PAPSS2: variants seen among roughly 807,000 people sequenced by gnomAD.
PAPSS2 encodes 3'-phosphoadenosine 5'-phosphosulfate synthase 2.
PAPSS2 carries 61 observed loss-of-function variants against 66.5 expected under a neutral mutation model. That is an observed-to-expected ratio of 0.92 (90% confidence interval 0.75 to 1.14). PAPSS2 has a LOEUF of 1.14. Ranked by LOEUF, PAPSS2 falls within the 50% of genes most tolerant of loss-of-function variation. PAPSS2 has a pLI of 0.00. For synonymous variants in PAPSS2, 289 were observed against 287.5 expected (o/e 1.01, Z -0.05); for missense variants, 708 against 789.6 (o/e 0.90, Z 1.24).
chr10:87,660,786 A>G (rs1370020235), intron 1 of PAPSS2, among the ~76,000 whole-genome samples: 2 of 142,430 alleles, frequency 1.4e-5, no homozygotes, highest in Admixed American at 7.2e-5. Context: ...CTATTTGTCA[A>G]TTATACCCCA....
intron 1 of PAPSS2, among the ~76,000 whole-genome samples, chr10:87,698,344 T>C (rs970984429): frequency 6.6e-6 from 1 of 151,242 alleles, no homozygotes; most frequent in East Asian, 1.9e-4. Flanking sequence ...CTACTATAGC[T>C]TTTTTTTTGG....
intron 10 of PAPSS2, 43 bp downstream of exon 10, chr10:87,741,413 G>A (rs551671989): frequency 6.5e-7 from 1 of 1,536,260 alleles, no homozygotes; most frequent in Non-Finnish European, 9.0e-7. Flanking sequence ...TTTATTTATT[G>A]AGATGGTGTC....
At chr10:87,661,796 G>A (rs913757611) in intron 1 of PAPSS2, among the ~76,000 whole-genome samples, 12 of 152,162 alleles carry the variant, frequency 7.9e-5, no homozygotes, top group Admixed American at 6.5e-5. Flanking sequence ...GTGTGTGTCT[G>A]TTTTATACAG....
At position 87,683,590 on chromosome 10, in the gene PAPSS2, A is replaced by G. The variant is rs1853052027; in HGVS notation, c.27+23582A>G. On this transcript the variant is annotated intron_variant, in intron 1 of 12. Coordinates refer to ENST00000456849, the MANE Select transcript of PAPSS2 (RefSeq NM_001015880.2). ...ATGATCCTGCATAATTGTTGTGGAA[A>G]TCATTTGTCTTCTATTGGATTCATG... Among the ~76,000 whole-genome samples, 3 of 152,338 alleles carry G rather than the reference A, an allele frequency of 2.0e-5. No homozygotes were observed. In the South Asian group the frequency reaches 6.2e-4, roughly 32 times the overall value.
intron 1 of PAPSS2, 126 bp from the exon 2 acceptor site, chr10:87,709,070 T>C: frequency 1.6e-6 from 1 of 633,032 alleles, no homozygotes; most frequent in Non-Finnish European, 2.9e-6. Flanking sequence ...TTCAAAATAT[T>C]TTTTATATAA....
At chr10:87,696,432 A>G (rs1853235539) in intron 1 of PAPSS2, among the ~76,000 whole-genome samples, 1 of 152,180 alleles carries the variant, frequency 6.6e-6, no homozygotes, top group African/African-American at 2.4e-5. Context: ...TCCACTTTGG[A>G]GAGACAAAAG....
At chr10:87,715,883 GA>G (rs3214322) in intron 7 of PAPSS2, 40 bp downstream of exon 7, 533,075 of 1,062,702 alleles carry the variant, frequency 0.5, 120,343 homozygotes, top group East Asian at 0.74. Context: ...TGTTGTTAAG[GA>G]AAAAAAAAAA....
At chr10:87,743,876 G>A (rs1337939862) in intron 11 of PAPSS2, among the ~76,000 whole-genome samples, 2 of 152,126 alleles carry the variant, frequency 1.3e-5, no homozygotes, top group Non-Finnish European at 2.9e-5. Context: ...AGGCCGAGGT[G>A]GGCAGATCAC....
rs1853313001 is a variant in PAPSS2 at position 87,701,394 on chromosome 10, T to TTCTTTCTC, written c.28-7799_28-7798insTTCTCTCT. 3.5e-5 allele frequency among the ~76,000 whole-genome samples: 3 copies of TTCTTTCTC among 84,716 alleles called. No homozygotes were observed. The Admixed American group carries it at 4.6e-4, about 13-fold the overall frequency. The allele number at this position is 84,716 out of a possible 152,430, so 55.6% of individuals were successfully genotyped here. A position where few individuals can be genotyped will look rare whatever the true frequency, so the allele number is the denominator to read the frequency against. On this transcript the variant is annotated intron_variant, in intron 1 of 12. Transcript: ENST00000456849. ...TTTCTTTCTTTCTTTCTTTCTTTCT[T>TTCTTTCTC]TCTCTTTCTTTCTCTCTCTCTCTCT...
intron 1 of PAPSS2, among the ~76,000 whole-genome samples, chr10:87,697,120 G>A (rs562298283): frequency 1.3e-5 from 2 of 152,234 alleles, no homozygotes; most frequent in South Asian, 4.2e-4. Context: ...GCCTTTCCTT[G>A]GTTTTGATGA....
chr10:87,696,032 A>T (rs12770141), intron 1 of PAPSS2, among the ~76,000 whole-genome samples: 18,653 of 152,124 alleles, frequency 0.12, 1,482 homozygotes, highest in Non-Finnish European at 0.17. Context: ...TTGGGTCCAG[A>T]TGTGAAGATC....
intron 2 of PAPSS2, among the ~76,000 whole-genome samples, chr10:87,710,393 C>T (rs896279033): frequency 3.3e-5 from 5 of 152,198 alleles, no homozygotes; most frequent in African/African-American, 9.7e-5. Context: ...CTCTAATATG[C>T]ACCATCCTTC....
chr10:87,660,061 C>T (rs1339568756), intron 1 of PAPSS2, 53 bp downstream of exon 1: 6 of 1,563,528 alleles, frequency 3.8e-6, no homozygotes, highest in Non-Finnish European at 1.7e-6. Flanking sequence ...CACGCGCCGA[C>T]CCCCAACCCC....
intron 1 of PAPSS2, among the ~76,000 whole-genome samples, chr10:87,706,102 A>ATG (rs1305933544): frequency 2.6e-5 from 2 of 78,332 alleles, no homozygotes; most frequent in African/African-American, 8.3e-5. Context: ...ATATATATAT[A>ATG]TATATATGTG....
rs1418005396 is a variant in PAPSS2 at position 87,746,448 on chromosome 10, T to C, written c.*478T>C. The stretch of plus-strand genomic sequence containing the variant: ...TTTCTCACTCTAAAAGAGGTGTGGC[T>C]CACATCAAGATTCTTCCTGATATTT... On this transcript the variant is annotated 3_prime_UTR_variant, in exon 13 of 13. Transcript: ENST00000456849. 2.0e-5 allele frequency: 3 copies of C among 153,842 alleles called. No homozygotes were observed. Among genetic ancestry groups the C allele is most frequent in the East Asian group, 1.9e-4 (1 of 5,284 alleles). 9.5% of individuals were successfully genotyped at this position (153,842 alleles called of 1,614,324 possible).
At chr10:87,744,225 G>A (rs1352247577) in intron 11 of PAPSS2, among the ~76,000 whole-genome samples, 2 of 152,242 alleles carry the variant, frequency 1.3e-5, no homozygotes, top group Admixed American at 6.5e-5. Context: ...AGGGCAAGTT[G>A]TATGTAACCT....
In PAPSS2 at chr10:87,706,108, A is replaced by ATGTGTGTG. The variant is rs150079044; in HGVS notation, c.28-3062_28-3055dup. Among the ~76,000 whole-genome samples, 236 of 51,996 alleles carry ATGTGTGTG rather than the reference A, an allele frequency of 4.5e-3. 13 individuals are homozygous for ATGTGTGTG. Among genetic ancestry groups the ATGTGTGTG allele is most frequent in the African/African-American group, 0.022 (216 of 10,000 alleles). 34.1% of individuals were successfully genotyped at this position (51,996 alleles called of 152,430 possible). ...GGTATATATATATATATATATATAT[A>ATGTGTGTG]TGTGTGTGTGTGTGTGTGTGTGTGT... On this transcript the variant is annotated intron_variant, in intron 1 of 12. Transcript: ENST00000456849.
intron 1 of PAPSS2, among the ~76,000 whole-genome samples, chr10:87,706,021 C>T (rs1357024526): frequency 1.4e-5 from 2 of 148,054 alleles, no homozygotes; most frequent in South Asian, 2.2e-4. Context: ...TGTGAGCCGC[C>T]GCGTCTGGCC....
In PAPSS2 at chr10:87,727,256, T is replaced by C. The variant is rs747274873; in HGVS notation, c.881-28T>C. The C allele has an allele frequency of 2.5e-6, 4 of 1,593,280 alleles. No individual in the cohort carries two copies. In the South Asian group the frequency reaches 3.3e-5, roughly 13 times the overall value. Reference sequence around the variant, plus strand: ...AGGATGGCACACCTTATATCTAGTTTTCGTGCATCACATGGCTCTTTCCAC... The same window carrying C: ...AGGATGGCACACCTTATATCTAGTTCTCGTGCATCACATGGCTCTTTCCAC... On this transcript the variant is annotated intron_variant, in intron 8 of 12. Coordinates refer to ENST00000456849, the MANE Select transcript of PAPSS2 (RefSeq NM_001015880.2).
Sources: allele counts gnomAD v4.1 joint callset (sites outside exome capture counted in the v4.1 genomes callset), GRCh38; gene constraint gnomAD v4.1.1; transcripts MANE v1.5; gene names NCBI Gene and HGNC (gene_info 2026-07-23, HGNC 2026-07-21).